ZRANB1: variants seen among roughly 807,000 people sequenced by gnomAD.
ZRANB1 encodes zinc finger RANBP2-type containing 1.
ZRANB1 carries 16 observed loss-of-function variants against 80.5 expected under a neutral mutation model. That is an observed-to-expected ratio of 0.20 (90% CI 0.13 to 0.30). ZRANB1 has a LOEUF of 0.30. Among genes scored for constraint, ZRANB1 ranks in the 10% least tolerant of loss-of-function variants. The pLI, the probability that ZRANB1 is intolerant of heterozygous loss-of-function variation, is 1.00. For synonymous variants in ZRANB1, 291 were observed against 293.1 expected (o/e 0.99, Z 0.07); for missense variants, 576 against 862.6 (o/e 0.67, Z 4.16).
chr10:124,937,144 GT>G (rs1216583906), upstream of ZRANB1, among the ~76,000 whole-genome samples: 11 of 146,156 alleles, frequency 7.5e-5, no homozygotes, highest in Non-Finnish European at 1.3e-4. Flanking sequence ...ATCTCAGTTT[GT>G]TTCCTGAGTT....
rs1564971303 is a variant in ZRANB1 at position 124,985,492 on chromosome 10, A to G, written c.*500A>G. ...GAAACGTTTTGTACCGATTATCCAC[A>G]GCAAAACAAAAATAAGCTTTTATTT... On this transcript the variant is annotated 3_prime_UTR_variant, in exon 9 of 9. Coordinates refer to ENST00000359653, the MANE Select transcript of ZRANB1 (RefSeq NM_017580.3). 1 of 152,860 alleles carries G rather than the reference A, an allele frequency of 6.5e-6. No homozygotes were observed. The highest frequency in any genetic ancestry group is 1.5e-5 in the Non-Finnish European group (1 of 68,174). The allele number at this position is 152,860 out of a possible 1,614,324, so 9.5% of individuals were successfully genotyped here.
At chr10:124,965,852 A>G (rs895593110) in intron 1 of ZRANB1, among the ~76,000 whole-genome samples, 5 of 152,210 alleles carry the variant, frequency 3.3e-5, no homozygotes, top group African/African-American at 1.2e-4. Context: ...TTGTGTTAAG[A>G]TTAATAAAAT....
chr10:124,959,354 T>TGA (rs1177162050), intron 1 of ZRANB1, among the ~76,000 whole-genome samples: 1 of 151,652 alleles, frequency 6.6e-6, no homozygotes, highest in Non-Finnish European at 1.5e-5. Context: ...ATGAGGACTG[T>TGA]GAGAGAGAAC....
intron 6 of ZRANB1, 36 bp downstream of exon 6, chr10:124,981,865 A>G: frequency 6.2e-7 from 1 of 1,610,850 alleles, no homozygotes; most frequent in Non-Finnish European, 8.5e-7. Context: ...TTCTATGAGA[A>G]AAGTAAGCAT....
At chr10:124,945,607 C>T (rs927918039) in intron 1 of ZRANB1, 3 of 152,072 alleles carry the variant, frequency 2.0e-5, no homozygotes, top group Non-Finnish European at 4.4e-5. Context: ...TTCATTTCAA[C>T]CCCCGGTTGC....
chr10:124,919,636 T>C, the ZRANB1 span, among the ~76,000 whole-genome samples: 1 of 146,576 alleles, frequency 6.8e-6, no homozygotes, highest in Non-Finnish European at 1.5e-5. Context: ...TTTTGAGATG[T>C]AGTCTCTCTC....
At chr10:124,957,917 C>T (rs545583230) in intron 1 of ZRANB1, among the ~76,000 whole-genome samples, 41 of 152,054 alleles carry the variant, frequency 2.7e-4, no homozygotes, top group African/African-American at 8.7e-4. Context: ...TTAATAGAGT[C>T]GGGGGTTTCA....
Position 124,942,409 on chromosome 10 carries a change from G to T in ZRANB1, c.-85G>T. ...CTTGCTTTTTGGGCAGCGTATTTTTGGAGGTGGAATGTAGTTATTTTAATA... is the reference window on the plus strand; with the variant it reads ...CTTGCTTTTTGGGCAGCGTATTTTTTGAGGTGGAATGTAGTTATTTTAATA... On this transcript the variant is annotated 5_prime_UTR_variant, in exon 1 of 9. The change creates a premature stop within an existing upstream ORF in the 5' untranslated region. Coordinates refer to ENST00000359653, the MANE Select transcript of ZRANB1 (RefSeq NM_017580.3). 6.4e-7 allele frequency: 1 copy of T among 1,555,636 alleles called. No individual in the cohort carries two copies. Among genetic ancestry groups the T allele is most frequent in the Non-Finnish European group, 8.7e-7 (1 of 1,150,968 alleles).
intron 3 of ZRANB1, 41 bp downstream of exon 3, chr10:124,972,159 T>C: frequency 6.3e-7 from 1 of 1,590,134 alleles, no homozygotes; most frequent in African/African-American, 1.4e-5. Context: ...TTTTATTTTA[T>C]TATAGTTACA....
rs35954920 is a variant in ZRANB1 at position 124,987,362 on chromosome 10, T to TTATATA, written c.*2381_*2386dup. 15 of 150,224 alleles carry TTATATA rather than the reference T, an allele frequency of 1.0e-4. No individual in the cohort carries two copies. Among genetic ancestry groups the TTATATA allele is most frequent in the East Asian group, 7.9e-4 (4 of 5,084 alleles). The allele number at this position is 150,224 out of a possible 1,614,324, so 9.3% of individuals were successfully genotyped here. On this transcript the variant is annotated 3_prime_UTR_variant, in exon 9 of 9. Coordinates refer to ENST00000359653, the MANE Select transcript of ZRANB1 (RefSeq NM_017580.3). ...GACTTGTTCTTCCTTGGGGTCAAATTTATATATATATATATAAATTTTTGT... is the reference window on the plus strand; with the variant it reads ...GACTTGTTCTTCCTTGGGGTCAAATTTATATATATATATATATATATAAATTTTTGT...
chr10:124,947,159 G>A (rs1435051039), intron 1 of ZRANB1, among the ~76,000 whole-genome samples: 1 of 152,174 alleles, frequency 6.6e-6, no homozygotes, highest in Non-Finnish European at 1.5e-5. Flanking sequence ...TATGTGGTGA[G>A]AGGATGTTGG....
At chr10:124,929,476 C>G in the ZRANB1 span, among the ~76,000 whole-genome samples, 2 of 151,602 alleles carry the variant, frequency 1.3e-5, no homozygotes, top group African/African-American at 2.4e-5. Flanking sequence ...GCTGGGATTA[C>G]AGGTGCGCAC....
At chr10:124,955,859 C>T (rs567455818) in intron 1 of ZRANB1, among the ~76,000 whole-genome samples, 7 of 152,288 alleles carry the variant, frequency 4.6e-5, no homozygotes, top group Admixed American at 2.0e-4. Context: ...TTCACCTCTT[C>T]CCTTTCTACT....
At chr10:124,959,926 G>A (rs1951719945) in intron 1 of ZRANB1, among the ~76,000 whole-genome samples, 1 of 152,182 alleles carries the variant, frequency 6.6e-6, no homozygotes, top group African/African-American at 2.4e-5. Flanking sequence ...AGTGGAGATG[G>A]GGAAAGGGAG....
the ZRANB1 span, among the ~76,000 whole-genome samples, chr10:124,918,560 T>A: frequency 6.6e-6 from 1 of 152,358 alleles, no homozygotes; most frequent in African/African-American, 2.4e-5. Flanking sequence ...TTAGTTAACT[T>A]CTTTTATCAC....
At chr10:124,917,636 A>G in the ZRANB1 span, among the ~76,000 whole-genome samples, 1 of 152,214 alleles carries the variant, frequency 6.6e-6, no homozygotes, top group African/African-American at 2.4e-5. Flanking sequence ...CCACTCCGCA[A>G]TAGGCCGTAA....
At chr10:124,927,155 C>A in the ZRANB1 span, among the ~76,000 whole-genome samples, 6 of 152,076 alleles carry the variant, frequency 3.9e-5, no homozygotes, top group Non-Finnish European at 5.9e-5. Context: ...TGGGGTTTCA[C>A]CGTGTTAGCC....
chr10:124,970,045 G>A (rs1951809156), intron 2 of ZRANB1, among the ~76,000 whole-genome samples: 2 of 152,260 alleles, frequency 1.3e-5, no homozygotes, highest in Admixed American at 6.5e-5. Flanking sequence ...ATGGGAATAA[G>A]CTATTTTTGA....
chr10:124,924,912 T>TG, the ZRANB1 span, among the ~76,000 whole-genome samples: 2 of 149,168 alleles, frequency 1.3e-5, no homozygotes, highest in Non-Finnish European at 3.0e-5. Context: ...ATTTTGCTGT[T>TG]TTTTTTTTTT....
Sources: gnomAD v4.1 joint callset for allele counts (sites outside exome capture counted in the v4.1 genomes callset) on GRCh38, gnomAD v4.1.1 for gene constraint, MANE v1.5 for transcripts, NCBI Gene and HGNC (gene_info 2026-07-23, HGNC 2026-07-21) for gene names.